Variants in PLAGL1 observed in about 807,000 individuals in gnomAD.
PLAGL1 encodes the protein zinc finger protein PLAGL1.
A neutral mutation model predicts 4.6 loss-of-function variants in PLAGL1; 1 was observed. The ratio of observed to expected loss-of-function variants is 0.22; its 90% CI spans 0.08 to 1.03. The LOEUF (loss-of-function observed/expected upper bound fraction) is 1.03, where lower values mean the gene tolerates loss of function less well. Ranked by LOEUF, PLAGL1 falls within the 50% of genes least tolerant of loss-of-function variation. The pLI, the probability that PLAGL1 is intolerant of heterozygous loss-of-function variation, is 0.58. For missense variants in PLAGL1, 464 were observed against 570.4 expected (o/e 0.81, Z 1.90); for synonymous variants, 240 against 237.8 (o/e 1.01, Z -0.08).
chr6:143,941,317 G>C lies in PLAGL1; in HGVS notation c.*107C>G. 1.3e-6 allele frequency: 1 copy of C among 797,270 alleles called. No individual in the cohort carries two copies. Among genetic ancestry groups the C allele is most frequent in the Non-Finnish European group, 1.9e-6 (1 of 519,682 alleles). The allele number at this position is 797,270 out of a possible 1,614,324, so 49.4% of individuals were successfully genotyped here. A position where few individuals can be genotyped will look rare whatever the true frequency, so the allele number is the denominator to read the frequency against. On this transcript the variant is annotated 3_prime_UTR_variant, in exon 8 of 8. Transcript: ENST00000674357. This position sits in a 1 kb window ranked among gnomAD's most constrained non-coding sequence, Gnocchi z 6.0. ...TCTCAAGCCAGTCATCACTGAATAA[G>C]CCATAGTCCCAGTCTCGTTTTCCAA...
chr6:144,018,108 G>A (rs1795692137), intron 1 of PLAGL1, among the ~76,000 whole-genome samples: 1 of 152,000 alleles, frequency 6.6e-6, no homozygotes, highest in Admixed American at 6.5e-5. Flanking sequence ...GAGTAATAAT[G>A]AATACATGAA....
rs148439907 is a variant in PLAGL1, at chr6:144,050,744, T to A, written c.-151+13724A>T. 3.3e-5 allele frequency among the ~76,000 whole-genome samples: 5 copies of A among 152,214 alleles called. No homozygotes were observed. The East Asian group carries it at 7.7e-4, about 24-fold the overall frequency. On this transcript the variant is annotated intron_variant, in intron 1 of 3. Coordinates refer to the PLAGL1 transcript ENST00000437412. This position sits in a 1 kb window ranked among gnomAD's most constrained non-coding sequence, Gnocchi z 4.3. The stretch of plus-strand genomic sequence containing the variant: ...GTTTCTACAAAAAAAAATTTTTTTT[T>A]AAGTAAATCAGGTGTGGTGGCACAT...
Position 143,970,741 on chromosome 6 carries a change from A to C in PLAGL1, c.-543-1763T>G, listed in dbSNP as rs1785266543. On this transcript the variant is annotated intron_variant, in intron 2 of 7. Coordinates refer to ENST00000674357, the MANE Select transcript of PLAGL1 (RefSeq NM_001317162.2). The surrounding 1 kb of genome is among the most constrained non-coding windows in gnomAD (Gnocchi z 5.8). ...AAACCTATTTTGAGGGTTTCTCTTA[A>C]GTTACTTGAAATTCTTCTTCTTGGA... 6.6e-6 allele frequency among the ~76,000 whole-genome samples: 1 copy of C among 152,166 alleles called. No homozygotes were observed. The highest frequency in any genetic ancestry group is 6.5e-5 in the Admixed American group (1 of 15,270).
At chr6:143,969,484 G>A (rs1311221898) in intron 2 of PLAGL1, among the ~76,000 whole-genome samples, 1 of 151,850 alleles carries the variant, frequency 6.6e-6, no homozygotes, top group Non-Finnish European at 1.5e-5. Context: ...GCCTCAAGCA[G>A]AAATTACAAA....
intron 2 of PLAGL1, among the ~76,000 whole-genome samples, chr6:143,974,393 GT>G (rs1482814785): frequency 7.7e-6 from 1 of 129,704 alleles, no homozygotes; most frequent in Non-Finnish European, 1.7e-5. Flanking sequence ...CGGTGGTGGG[GT>G]TGCGGGGGAG....
chr6:143,987,436 G>GTTTTTTTT, intron 1 of PLAGL1, among the ~76,000 whole-genome samples: 1 of 32,210 alleles, frequency 3.1e-5, no homozygotes, highest in Non-Finnish European at 8.6e-5. Flanking sequence ...CACCACACTG[G>GTTTTTTTT]CTTTTTTTTT....
At chr6:144,049,686 G>T (rs1308229292) in intron 1 of PLAGL1, among the ~76,000 whole-genome samples, 4 of 152,130 alleles carry the variant, frequency 2.6e-5, no homozygotes, top group South Asian at 2.1e-4. Context: ...CTCCCACCAG[G>T]TCTCTCCCTA....
Position 143,966,339 on chromosome 6 carries a change from A to G in PLAGL1, c.-471-141T>C, listed in dbSNP as rs1384082124. On this transcript the variant is annotated intron_variant, in intron 3 of 7. Coordinates refer to ENST00000674357, the MANE Select transcript of PLAGL1 (RefSeq NM_001317162.2). This position sits in a 1 kb window ranked among gnomAD's most constrained non-coding sequence, Gnocchi z 6.0. ...CCTGGATTTATCAGTTATATACATTAAAATGGCCAAACAGTAATTCAAATA... is the reference window on the plus strand; with the variant it reads ...CCTGGATTTATCAGTTATATACATTGAAATGGCCAAACAGTAATTCAAATA... 1 of 152,246 alleles carries G rather than the reference A, an allele frequency of 6.6e-6. No homozygotes were observed. The highest frequency in any genetic ancestry group is 2.4e-5 in the African/African-American group (1 of 41,458). The allele number at this position is 152,246 out of a possible 1,614,324, so 9.4% of individuals were successfully genotyped here.
rs539622915 is a variant in PLAGL1, at chr6:143,952,809, A to G, written c.-324-4349T>C. Among the ~76,000 whole-genome samples, 1 of 152,368 alleles carries G rather than the reference A, an allele frequency of 6.6e-6. No homozygotes were observed. Among genetic ancestry groups the G allele is most frequent in the East Asian group, 1.9e-4 (1 of 5,182 alleles). On this transcript the variant is annotated intron_variant, in intron 6 of 7. Transcript: ENST00000674357. The surrounding 1 kb of genome is among the most constrained non-coding windows in gnomAD (Gnocchi z 6.1). ...AATCAATGCAAGGCCCATTTCTGAG[A>G]GGAAAGTGAATTTCCACTTTTGGTC... is the stretch of plus-strand genomic sequence containing the variant.
chr6:144,021,211 T>C (rs937030679), intron 1 of PLAGL1, among the ~76,000 whole-genome samples: 4 of 152,146 alleles, frequency 2.6e-5, no homozygotes, highest in Non-Finnish European at 5.9e-5. Context: ...TAACATATTA[T>C]ACTTGCTGAA....
At chr6:144,042,566 G>A (rs1364317310) in intron 1 of PLAGL1, among the ~76,000 whole-genome samples, 1 of 152,124 alleles carries the variant, frequency 6.6e-6, no homozygotes, top group Non-Finnish European at 1.5e-5. Flanking sequence ...ATGCTGTTTT[G>A]GTTACTGTAG....
rs1417984235 is a variant in PLAGL1 at position 144,050,465 on chromosome 6, A to G, written c.-151+14003T>C. ...ATTCTCTTTTCTTCTGTCTGAGGAG[A>G]GAAAGATTCTTCTACACTCTTTTAA... is the stretch of plus-strand genomic sequence containing the variant. On this transcript the variant is annotated intron_variant, in intron 1 of 3. Transcript: ENST00000437412. The surrounding 1 kb of genome is among the most constrained non-coding windows in gnomAD (Gnocchi z 4.3). Among the ~76,000 whole-genome samples, 1 of 152,128 alleles carries G rather than the reference A, an allele frequency of 6.6e-6. No homozygotes were observed. Among genetic ancestry groups the G allele is most frequent in the African/African-American group, 2.4e-5 (1 of 41,412 alleles).
chr6:143,944,782 C>A (rs1015776503), intron 7 of PLAGL1, among the ~76,000 whole-genome samples: 2 of 120,358 alleles, frequency 1.7e-5, no homozygotes, highest in African/African-American at 6.3e-5. Flanking sequence ...AGTATTTAAA[C>A]CTTTTTTTTT....
chr6:143,963,831 G>A lies in PLAGL1; in HGVS notation c.-399+956C>T, dbSNP rs1783880471. On this transcript the variant is annotated intron_variant, in intron 5 of 7. Coordinates refer to ENST00000674357, the MANE Select transcript of PLAGL1 (RefSeq NM_001317162.2). This position sits in a 1 kb window ranked among gnomAD's most constrained non-coding sequence, Gnocchi z 6.1. ...TTATTAGGGCCTCCAAATCAGCATA[G>A]CACAACAACTCCAGAATTTTACTTT... 6.6e-6 allele frequency among the ~76,000 whole-genome samples: 1 copy of A among 152,164 alleles called. No homozygotes were observed. The highest frequency in any genetic ancestry group is 1.5e-5 in the Non-Finnish European group (1 of 68,038).
At chr6:144,028,785 C>T (rs146312443) in intron 1 of PLAGL1, among the ~76,000 whole-genome samples, 21 of 152,296 alleles carry the variant, frequency 1.4e-4, no homozygotes, top group African/African-American at 4.8e-4. Context: ...TTGTTATCTA[C>T]GTGCTGGGAC....
Position 143,997,691 on chromosome 6 carries a change from G to A in PLAGL1, c.-584+10399C>T, listed in dbSNP as rs1347604671. Reference sequence around the variant, plus strand: ...GCAGAGTGAGATACCATCTTGGGGCGGAGGGGGCTGGCGGGGAAGGAATAG... The same window carrying A: ...GCAGAGTGAGATACCATCTTGGGGCAGAGGGGGCTGGCGGGGAAGGAATAG... On this transcript the variant is annotated intron_variant, in intron 1 of 7. Coordinates refer to ENST00000674357, the MANE Select transcript of PLAGL1 (RefSeq NM_001317162.2). This position sits in a 1 kb window ranked among gnomAD's most constrained non-coding sequence, Gnocchi z 4.6. Among the ~76,000 whole-genome samples the A allele has an allele frequency of 2.6e-5, 4 of 151,986 alleles. No individual in the cohort carries two copies. The highest frequency in any genetic ancestry group is 5.9e-5 in the Non-Finnish European group (4 of 67,978).
chr6:144,005,040 A>G lies in PLAGL1; in HGVS notation c.-584+3050T>C, dbSNP rs1793867954. ...TAAAGTGTATGTGTATATATTATAT[A>G]TATACACACACCTACATACATTGCC... On this transcript the variant is annotated intron_variant, in intron 1 of 7. Transcript: ENST00000674357. This position sits in a 1 kb window ranked among gnomAD's most constrained non-coding sequence, Gnocchi z 4.6. 6.6e-6 allele frequency: 1 copy of G among 150,942 alleles called. No homozygotes were observed. The highest frequency in any genetic ancestry group is 2.4e-5 in the African/African-American group (1 of 41,246). 9.4% of individuals were successfully genotyped at this position (150,942 alleles called of 1,614,324 possible). A position where few individuals can be genotyped will look rare whatever the true frequency, so the allele number is the denominator to read the frequency against.
chr6:144,047,279 C>T (rs552629981), intron 1 of PLAGL1, among the ~76,000 whole-genome samples: 293 of 152,300 alleles, frequency 1.9e-3, no homozygotes, highest in Non-Finnish European at 2.4e-3. Context: ...TCTTCTGCAT[C>T]GATCACACTG....
chr6:143,996,785 G>T (rs569819301), intron 1 of PLAGL1, among the ~76,000 whole-genome samples: 2 of 152,142 alleles, frequency 1.3e-5, no homozygotes, highest in East Asian at 3.9e-4. Flanking sequence ...CAATTCAATG[G>T]AGGGAAAGAA....
Sources: gnomAD v4.1 joint callset for allele counts (sites outside exome capture counted in the v4.1 genomes callset) on GRCh38, gnomAD v4.1.1 for gene constraint, Gnocchi (gnomAD v3.1) non-coding constraint, MANE v1.5 for transcripts, NCBI Gene and HGNC (gene_info 2026-07-23, HGNC 2026-07-21) for gene names.